KLF8: variants seen among roughly 807,000 people sequenced by gnomAD.
The protein encoded by KLF8 is Krueppel-like factor 8.
KLF8 carries 10 observed loss-of-function variants against 18.2 expected under a neutral mutation model. That is an observed-to-expected ratio of 0.55 (90% CI 0.34 to 0.93). KLF8 has a LOEUF of 0.93. KLF8 is among the 40% of genes least tolerant of loss of function. KLF8 has a pLI of 0.02. For synonymous variants in KLF8, 109 were observed against 97.3 expected, an observed-to-expected ratio of 1.12 and a Z score of -0.71; for missense variants, 264 against 277.9, an observed-to-expected ratio of 0.95 and a Z score of 0.36.
the KLF8 span, among the ~76,000 whole-genome samples, chrX:56,067,709 A>C: frequency 8.9e-6 from 1 of 112,144 alleles, no homozygotes; most frequent in Non-Finnish European, 1.9e-5. Context: ...CCTGTGCAAG[A>C]CTAGGAATGG....
At chrX:56,030,334 C>T in the KLF8 span, among the ~76,000 whole-genome samples, 3 of 111,351 alleles carry the variant, frequency 2.7e-5, no homozygotes, top group African/African-American at 9.8e-5. Flanking sequence ...GGGACATGCT[C>T]CTCTAGCCAT....
the KLF8 span, among the ~76,000 whole-genome samples, chrX:56,140,797 T>TAA: frequency 0.019 from 842 of 43,832 alleles, 23 homozygotes; most frequent in African/African-American, 0.082. Context: ...GCCCCTCCAG[T>TAA]AAAAAAAAAA....
the KLF8 span, among the ~76,000 whole-genome samples, chrX:55,932,388 T>C: frequency 6.3e-5 from 7 of 111,535 alleles, no homozygotes; most frequent in South Asian, 2.7e-3. Flanking sequence ...AATATTGTTA[T>C]GTGTAAATTT....
At chrX:56,199,879 C>G in the KLF8 span, among the ~76,000 whole-genome samples, 1 of 111,643 alleles carries the variant, frequency 9.0e-6, no homozygotes, top group Non-Finnish European at 1.9e-5. Flanking sequence ...GGCACATATA[C>G]AGCATGGAAT....
the KLF8 span, among the ~76,000 whole-genome samples, chrX:55,930,615 G>A: frequency 2.7e-5 from 3 of 111,906 alleles, no homozygotes; most frequent in African/African-American, 9.7e-5. Context: ...TTTTATCGAA[G>A]GCTTTTTCTG....
the KLF8 span, among the ~76,000 whole-genome samples, chrX:56,191,606 C>G: frequency 2.7e-5 from 3 of 111,280 alleles, no homozygotes; most frequent in Non-Finnish European, 3.8e-5. Flanking sequence ...TTCATCTTAA[C>G]CATCTGGGAT....
At chrX:56,188,419 C>T in the KLF8 span, among the ~76,000 whole-genome samples, 1 of 111,718 alleles carries the variant, frequency 9.0e-6, no homozygotes, top group Admixed American at 9.5e-5. Flanking sequence ...TAGGAAGAAT[C>T]AATATCATGA....
the KLF8 span, among the ~76,000 whole-genome samples, chrX:56,187,151 G>T: frequency 1.8e-5 from 2 of 111,206 alleles, no homozygotes; most frequent in Non-Finnish European, 3.8e-5. Context: ...AGAAAAGAGA[G>T]AAGAATCAAA....
chrX:56,137,461 T>A, the KLF8 span, among the ~76,000 whole-genome samples: 1 of 105,989 alleles, frequency 9.4e-6, no homozygotes, highest in African/African-American at 3.5e-5. Context: ...TGTAGGGACA[T>A]GGATGAAATT....
chrX:56,178,619 C>G, the KLF8 span, among the ~76,000 whole-genome samples: 3 of 112,349 alleles, frequency 2.7e-5, no homozygotes, highest in Non-Finnish European at 5.6e-5. Context: ...AGTTTTAGTT[C>G]TAACTTTTAA....
the KLF8 span, among the ~76,000 whole-genome samples, chrX:55,967,855 C>G: frequency 9.0e-6 from 1 of 111,294 alleles, no homozygotes; most frequent in Non-Finnish European, 1.9e-5. Flanking sequence ...GAAACAAACC[C>G]ACAAATTTTA....
chrX:55,936,231 A>G, the KLF8 span, among the ~76,000 whole-genome samples: 1 of 112,021 alleles, frequency 8.9e-6, no homozygotes, highest in Non-Finnish European at 1.9e-5. Context: ...CCCCTTCAGT[A>G]TCACTCCAGT....
At chrX:55,946,819 G>C in the KLF8 span, among the ~76,000 whole-genome samples, 1 of 110,979 alleles carries the variant, frequency 9.0e-6, no homozygotes, top group East Asian at 2.8e-4. Flanking sequence ...ATCAAAAAGT[G>C]GGCAAAGGAC....
At chrX:56,126,754 T>TTC in the KLF8 span, among the ~76,000 whole-genome samples, 1 of 28,351 alleles carries the variant, frequency 3.5e-5, no homozygotes. Context: ...CTTTCTTTCT[T>TTC]TTTTTTTTTT....
At chrX:55,946,622 C>A in the KLF8 span, among the ~76,000 whole-genome samples, 1 of 111,448 alleles carries the variant, frequency 9.0e-6, no homozygotes, top group African/African-American at 3.3e-5. Flanking sequence ...TAACAAAAGC[C>A]AAAATTGACG....
the KLF8 span, among the ~76,000 whole-genome samples, chrX:56,075,436 T>C: frequency 9.0e-6 from 1 of 111,401 alleles, no homozygotes; most frequent in Non-Finnish European, 1.9e-5. Flanking sequence ...GATGTTTTGA[T>C]ACAGGCATAT....
chrX:56,013,071 T>C, the KLF8 span, among the ~76,000 whole-genome samples: 3 of 112,279 alleles, frequency 2.7e-5, no homozygotes, highest in African/African-American at 9.7e-5. Context: ...AACCATCTGA[T>C]CTGCAACAAA....
the KLF8 span, among the ~76,000 whole-genome samples, chrX:56,058,296 A>ACATATATATATATATG: frequency 1.4e-5 from 1 of 72,994 alleles, no homozygotes; most frequent in Non-Finnish European, 2.6e-5. Context: ...ATATATATAT[A>ACATATATATATATATG]TATATATATA....
the KLF8 span, among the ~76,000 whole-genome samples, chrX:56,042,697 G>T: frequency 9.0e-6 from 1 of 111,599 alleles, no homozygotes; most frequent in African/African-American, 3.3e-5. Context: ...TTGTAAAGTT[G>T]TCTTCTATTC....
Sources: allele counts gnomAD v4.1 joint callset (sites outside exome capture counted in the v4.1 genomes callset), GRCh38; gene constraint gnomAD v4.1.1; transcripts MANE v1.5; gene names NCBI Gene and HGNC (gene_info 2026-07-23, HGNC 2026-07-21).